TG: variants seen among roughly 807,000 people sequenced by gnomAD.
The protein encoded by TG is thyroid hormones.
A neutral mutation model predicts 324.7 loss-of-function variants in TG; 270 were observed. The observed-to-expected ratio is 0.83, with a 90% CI of 0.75 to 0.92. The LOEUF is 0.92. TG is among the 40% of genes least tolerant of loss of function. The pLI, the probability that TG is intolerant of heterozygous loss-of-function variation, is 0.00. For synonymous variants in TG, 1,401 were observed against 1,327.0 expected, an observed-to-expected ratio of 1.06 and a Z score of -1.21; for missense variants, 3,591 against 3,456.4, an observed-to-expected ratio of 1.04 and a Z score of -0.98.
intron 6 of TG, 72 bp downstream of exon 6, chr8:132,882,041 T>C: frequency 8.7e-7 from 1 of 1,150,292 alleles, no homozygotes; most frequent in Non-Finnish European, 1.3e-6. Context: ...TGGATAACAT[T>C]GCTTGTAAAG....
chr8:133,004,243 C>T (rs563479989), intron 35 of TG, among the ~76,000 whole-genome samples: 2 of 152,312 alleles, frequency 1.3e-5, no homozygotes, highest in South Asian at 2.1e-4. Context: ...TCACCAAGAC[C>T]TTTAACCACC....
chr8:133,125,816 A>G (rs1851473847), intron 45 of TG, among the ~76,000 whole-genome samples: 1 of 152,212 alleles, frequency 6.6e-6, no homozygotes, highest in Non-Finnish European at 1.5e-5. Flanking sequence ...AGGGAAAAAA[A>G]TGAGTCTTGT....
Position 133,019,669 on chromosome 8 carries a change from C to A in TG, c.6850C>A (p.Leu2284Ile). The A allele has an allele frequency of 1.2e-6, 2 of 1,613,536 alleles. No individual in the cohort carries two copies. Among genetic ancestry groups the A allele is most frequent in the Non-Finnish European group, 1.7e-6 (2 of 1,179,648 alleles). Reference protein sequence around the residue: ...SPGVSEDCLYLNVFIPQNVAP... With the variant: ...SPGVSEDCLYINVFIPQNVAP... ...TGGAGTCAGTGAAGATTGTTTGTAT[C>A]TCAATGTGTTCATCCCTCAGAATGT... The change falls in exon 39 of 48, where the codon CTC becomes ATC. Residue 2284 changes from leucine to isoleucine, a missense_variant. Physicochemically the swap from Leu to Ile is conservative, Grantham distance 5 (BLOSUM62 2). Coordinates refer to ENST00000220616, the MANE Select transcript of TG (RefSeq NM_003235.5).
At chr8:132,962,108 G>T (rs1215082018) in intron 28 of TG, among the ~76,000 whole-genome samples, 1 of 152,142 alleles carries the variant, frequency 6.6e-6, no homozygotes, top group Non-Finnish European at 1.5e-5. Flanking sequence ...GGGGGTGGTG[G>T]TGATGAAGTG....
intron 41 of TG, among the ~76,000 whole-genome samples, chr8:133,048,117 T>C (rs1839799844): frequency 6.6e-6 from 1 of 152,222 alleles, no homozygotes; most frequent in Admixed American, 6.5e-5. Context: ...AGTAGTTTGC[T>C]CAGGAAACCA....
intron 23 of TG, among the ~76,000 whole-genome samples, chr8:132,929,961 C>T (rs934298858): frequency 1.3e-5 from 2 of 152,136 alleles, no homozygotes; most frequent in Admixed American, 1.3e-4. Context: ...AGGTAGTGAG[C>T]GTAGTCGCAA....
At chr8:132,879,569 T>C (rs1003029660) in intron 5 of TG, among the ~76,000 whole-genome samples, 6 of 152,246 alleles carry the variant, frequency 3.9e-5, no homozygotes, top group African/African-American at 9.6e-5. Context: ...CTTCTCACTA[T>C]ATACAGAATT....
intron 41 of TG, among the ~76,000 whole-genome samples, chr8:133,071,580 C>T (rs1199093867): frequency 1.3e-5 from 2 of 152,068 alleles, no homozygotes; most frequent in Non-Finnish European, 2.9e-5. Context: ...TTGGAACTTG[C>T]ATTCAGAGGA....
intron 26 of TG, among the ~76,000 whole-genome samples, chr8:132,943,336 TG>T: frequency 6.6e-6 from 1 of 152,150 alleles, no homozygotes; most frequent in East Asian, 1.9e-4. Flanking sequence ...GTAACATGCC[TG>T]CTCCCCCTTC....
chr8:133,097,009 G>A (rs1375185205), intron 43 of TG, among the ~76,000 whole-genome samples: 1 of 152,154 alleles, frequency 6.6e-6, no homozygotes. Context: ...ATGCTCCTCT[G>A]CCCACCCCAC....
rs192826968 is a variant in TG, at chr8:132,998,056, G to A, written c.6263-13845G>A. Among the ~76,000 whole-genome samples, 206 of 152,266 alleles carry A rather than the reference G, an allele frequency of 1.4e-3. 1 individual carries two copies. The highest frequency in any genetic ancestry group is 3.1e-4 in the Non-Finnish European group (21 of 68,018). The stretch of plus-strand genomic sequence containing the variant: ...GGAAGAATGGGAGTGGGGCTGGGTT[G>A]GGGGTAATTGATAGATGGAGGCCCC... On this transcript the variant is annotated intron_variant, in intron 35 of 47. Coordinates refer to ENST00000220616, the MANE Select transcript of TG (RefSeq NM_003235.5).
intron 10 of TG, among the ~76,000 whole-genome samples, chr8:132,892,148 C>T (rs1356481707): frequency 6.6e-6 from 1 of 152,204 alleles, no homozygotes; most frequent in African/African-American, 2.4e-5. Flanking sequence ...CTTTGAGTGC[C>T]ACAGTCTTTC....
intron 43 of TG, among the ~76,000 whole-genome samples, chr8:133,111,743 T>C (rs1020583844): frequency 6.6e-6 from 1 of 152,240 alleles, no homozygotes; most frequent in African/African-American, 2.4e-5. Context: ...ATGATCATGG[T>C]CAAAATATTT....
chr8:132,904,167 G>A (rs1305928196), intron 16 of TG, among the ~76,000 whole-genome samples: 1 of 152,194 alleles, frequency 6.6e-6, no homozygotes, highest in East Asian at 1.9e-4. Flanking sequence ...GCTGATAACA[G>A]TCCAGCCCCA....
At chr8:133,103,041 C>T (rs185405604) in intron 43 of TG, 1 of 167,720 alleles carries the variant, frequency 6.0e-6, no homozygotes, top group African/African-American at 2.4e-5. Context: ...GCAGGAGTTT[C>T]CAGTGTGTGT....
At chr8:132,914,180 G>A (rs1375587680) in intron 20 of TG, among the ~76,000 whole-genome samples, 1 of 152,108 alleles carries the variant, frequency 6.6e-6, no homozygotes, top group African/African-American at 2.4e-5. Flanking sequence ...ATTTCCCTTT[G>A]CCATGTAACC....
At chr8:133,082,164 G>A (rs151242765) in intron 41 of TG, among the ~76,000 whole-genome samples, 157 of 152,280 alleles carry the variant, frequency 1.0e-3, no homozygotes, top group Non-Finnish European at 1.8e-3. Flanking sequence ...GTGTTGTCAG[G>A]CCGCATGAAG....
intron 35 of TG, among the ~76,000 whole-genome samples, chr8:133,007,666 A>G (rs1834140489): frequency 6.6e-6 from 1 of 152,206 alleles, no homozygotes; most frequent in Non-Finnish European, 1.5e-5. Flanking sequence ...ATTTTGGACT[A>G]TAAAAATAGG....
At chr8:132,994,836 G>T in intron 35 of TG, 1 of 1,275,770 alleles carries the variant, frequency 7.8e-7, no homozygotes, top group Non-Finnish European at 1.0e-6. Flanking sequence ...GAAGGGGCTG[G>T]GTCAGATGAT....
Sources: allele counts gnomAD v4.1 joint callset (sites outside exome capture counted in the v4.1 genomes callset), GRCh38; gene constraint gnomAD v4.1.1; transcripts MANE v1.5; gene names NCBI Gene and HGNC (gene_info 2026-07-23, HGNC 2026-07-21).